SLC44A5: variants seen among roughly 807,000 people sequenced by gnomAD.
The protein encoded by SLC44A5 is solute carrier family 44 member 5.
In SLC44A5, 57 loss-of-function variants were observed where a neutral mutation model predicts 101.8. The observed-to-expected ratio is 0.56, with a 90% confidence interval of 0.45 to 0.70. The LOEUF is 0.70. Among genes scored for constraint, SLC44A5 ranks in the 30% least tolerant of loss-of-function variants. The pLI is 0.00. For synonymous variants in SLC44A5, 281 were observed against 290.9 expected (o/e 0.97, Z 0.35); for missense variants, 737 against 853.1 (o/e 0.86, Z 1.70).
chr1:75,391,452 C>A (rs938758538), intron 3 of SLC44A5, among the ~76,000 whole-genome samples: 1 of 152,138 alleles, frequency 6.6e-6, no homozygotes, highest in Non-Finnish European at 1.5e-5. Context: ...TCAGACATCA[C>A]ATTACCTAAT....
chr1:75,389,176 C>A (rs1661619112), intron 3 of SLC44A5, among the ~76,000 whole-genome samples: 1 of 152,162 alleles, frequency 6.6e-6, no homozygotes, highest in Non-Finnish European at 1.5e-5. Context: ...CACTCAGATT[C>A]ATAAAACAGG....
At chr1:75,235,805 A>G (rs1396019463) in intron 11 of SLC44A5, among the ~76,000 whole-genome samples, 4 of 152,050 alleles carry the variant, frequency 2.6e-5, no homozygotes, top group Admixed American at 2.6e-4. Flanking sequence ...AAGGACCCAT[A>G]TAGAAGTTAG....
upstream of SLC44A5, among the ~76,000 whole-genome samples, chr1:75,613,837 G>A (rs557496450): frequency 2.2e-4 from 33 of 152,296 alleles, no homozygotes; most frequent in South Asian, 4.1e-4. Flanking sequence ...ACTTTTTGGT[G>A]TTTTGAGGGG....
At chr1:75,646,718 T>C in the SLC44A5 span, among the ~76,000 whole-genome samples, 1 of 152,158 alleles carries the variant, frequency 6.6e-6, no homozygotes, top group African/African-American at 2.4e-5. Context: ...TCTCCTTCCT[T>C]GCCACCATGT....
chr1:75,317,198 T>C (rs1376711382), intron 4 of SLC44A5, among the ~76,000 whole-genome samples: 1 of 152,196 alleles, frequency 6.6e-6, no homozygotes, highest in Non-Finnish European at 1.5e-5. Context: ...TAACATGGAC[T>C]GATCTAGGTG....
At chr1:75,255,910 A>G (rs1025783378) in intron 6 of SLC44A5, among the ~76,000 whole-genome samples, 1 of 152,102 alleles carries the variant, frequency 6.6e-6, no homozygotes, top group African/African-American at 2.4e-5. Context: ...TATACCATCA[A>G]TCAAATATAA....
chr1:75,673,341 G>C, the SLC44A5 span, among the ~76,000 whole-genome samples: 2 of 152,016 alleles, frequency 1.3e-5, no homozygotes, highest in Admixed American at 6.6e-5. Context: ...CTTGAGGAAG[G>C]GGGAGGAAAG....
intron 2 of SLC44A5, among the ~76,000 whole-genome samples, chr1:75,473,456 C>T (rs947929427): frequency 2.0e-5 from 3 of 152,134 alleles, no homozygotes; most frequent in Non-Finnish European, 4.4e-5. Context: ...ATGGATTTAG[C>T]CCAACTGTGT....
chr1:75,308,228 C>T (rs1222339401), intron 4 of SLC44A5, among the ~76,000 whole-genome samples: 1 of 152,126 alleles, frequency 6.6e-6, no homozygotes, highest in African/African-American at 2.4e-5. Flanking sequence ...AGTATTGTAG[C>T]TGCTTTAGTT....
intron 3 of SLC44A5, among the ~76,000 whole-genome samples, chr1:75,386,825 G>A (rs565049329): frequency 6.8e-4 from 104 of 152,066 alleles, no homozygotes; most frequent in Admixed American, 1.4e-3. Context: ...CAAGGCTACA[G>A]TAAGCAAAAC....
intron 4 of SLC44A5, among the ~76,000 whole-genome samples, chr1:75,315,492 T>A (rs989724162): frequency 2.0e-5 from 3 of 152,132 alleles, no homozygotes; most frequent in Non-Finnish European, 4.4e-5. Context: ...CTTGTAATCA[T>A]CCCGTCTGGT....
intron 3 of SLC44A5, among the ~76,000 whole-genome samples, chr1:75,379,017 A>C (rs868858417): frequency 0.02 from 1,566 of 79,482 alleles, 644 homozygotes; most frequent in African/African-American, 0.13. Context: ...TCAAGAAAGG[A>C]AGGAGATACT....
At chr1:75,203,937 G>T (rs1646704505) in intron 23 of SLC44A5, 104 bp from the exon 24 acceptor site, 7 of 1,290,326 alleles carry the variant, frequency 5.4e-6, no homozygotes, top group Non-Finnish European at 7.0e-6. Flanking sequence ...AAATCCTTTT[G>T]TTGTTTTTTT....
At chr1:75,403,122 A>T (rs894050678) in intron 2 of SLC44A5, among the ~76,000 whole-genome samples, 1 of 152,136 alleles carries the variant, frequency 6.6e-6, no homozygotes, top group Non-Finnish European at 1.5e-5. Flanking sequence ...CTGCAAAGAC[A>T]CTGTAGCCAG....
At chr1:75,682,817 C>G in the SLC44A5 span, among the ~76,000 whole-genome samples, 2 of 152,052 alleles carry the variant, frequency 1.3e-5, no homozygotes, top group African/African-American at 4.8e-5. Context: ...ACTGAACAGG[C>G]AACCTACAAA....
intron 2 of SLC44A5, among the ~76,000 whole-genome samples, chr1:75,421,133 C>A (rs1299154521): frequency 1.3e-5 from 2 of 151,838 alleles, no homozygotes; most frequent in African/African-American, 2.4e-5. Context: ...CAAAGCACAA[C>A]AATTATTTAC....
intron 2 of SLC44A5, among the ~76,000 whole-genome samples, chr1:75,524,990 A>G (rs980522750): frequency 6.6e-6 from 1 of 152,154 alleles, no homozygotes; most frequent in Non-Finnish European, 1.5e-5. Context: ...GAAGAAATGT[A>G]ATTCAGTCCC....
In SLC44A5 at chr1:75,213,970, C is replaced by G. The variant is rs1217265196; in HGVS notation, c.1822G>C (p.Val608Leu). 6.3e-7 allele frequency: 1 copy of G among 1,592,962 alleles called. No individual in the cohort carries two copies. Among genetic ancestry groups the G allele is most frequent in the East Asian group, 2.2e-5 (1 of 44,696 alleles). Residue 608 changes from valine (V) to leucine (L), a missense_variant, in exon 21 of 24, where the codon GTT (valine) becomes CTT (leucine). Coordinates refer to ENST00000370859, the MANE Select transcript of SLC44A5 (RefSeq NM_001130058.2). ...NVLKVAVTDEVTYFVLFLGKL... is the reference protein window; with the variant it reads ...NVLKVAVTDELTYFVLFLGKL... ...CCCAGGAATAATACAAAGTATGTAA[C>G]TTCATCTGTAACTGCAACTCTGAGT...
At chr1:75,515,232 T>A (rs1382126362) in intron 2 of SLC44A5, among the ~76,000 whole-genome samples, 10 of 152,198 alleles carry the variant, frequency 6.6e-5, no homozygotes, top group African/African-American at 2.4e-4. Flanking sequence ...AATAACTAAA[T>A]CAAGCTAGCT....
Sources: allele counts gnomAD v4.1 joint callset (sites outside exome capture counted in the v4.1 genomes callset), GRCh38; gene constraint gnomAD v4.1.1; transcripts MANE v1.5; gene names NCBI Gene and HGNC (gene_info 2026-07-23, HGNC 2026-07-21).